The following ADCY2 variants were observed in gnomAD, a reference collection of about 807,000 sequenced individuals.
ADCY2 encodes the protein adenylate cyclase 2, also known as adenylate cyclase type 2.
In ADCY2, 31 loss-of-function variants were observed where a neutral mutation model predicts 125.2. The ratio of observed to expected loss-of-function variants is 0.25; its 90% CI spans 0.19 to 0.33. The LOEUF is 0.33. Among genes scored for constraint, ADCY2 ranks in the 10% least tolerant of loss-of-function variants. The pLI, the probability that ADCY2 is intolerant of heterozygous loss-of-function variation, is 1.00. For missense variants in ADCY2, 904 were observed against 1,418.2 expected (o/e 0.64, Z 5.82); for synonymous variants, 512 against 548.4 (o/e 0.93, Z 0.93).
rs1338378537 is a variant in ADCY2 at position 7,743,900 on chromosome 5, G to T, written c.1956+148G>T. 8.7e-6 allele frequency: 6 copies of T among 688,862 alleles called. No individual in the cohort carries two copies. In the South Asian group the frequency reaches 1.1e-4, roughly 13 times the overall value. The allele number at this position is 688,862 out of a possible 1,614,324, so 42.7% of individuals were successfully genotyped here. A position where few individuals can be genotyped will look rare whatever the true frequency, so the allele number is the denominator to read the frequency against. ...AGTTAAGGAAACACACACCCTTCAG[G>T]TCTATAACCAGGAATATAGACTGGG... On this transcript the variant is annotated intron_variant, in intron 15 of 24. Coordinates refer to ENST00000338316, the MANE Select transcript of ADCY2 (RefSeq NM_020546.3).
chr5:7,789,822 G>T lies in ADCY2; in HGVS notation c.2628+22G>T, dbSNP rs1241554251. 2.7e-6 allele frequency: 4 copies of T among 1,460,600 alleles called. No individual in the cohort carries two copies. In the African/African-American group the frequency reaches 4.3e-5, roughly 16 times the overall value. 90.5% of individuals were successfully genotyped at this position (1,460,600 alleles called of 1,614,324 possible). ...TGAGGTCAGACCAGGGGGGCTGGGGGCTGGGGGAGGGGGCTGGATGCCATG... is the reference window on the plus strand; with the variant it reads ...TGAGGTCAGACCAGGGGGGCTGGGGTCTGGGGGAGGGGGCTGGATGCCATG... On this transcript the variant is annotated intron_variant, in intron 20 of 24. Transcript: ENST00000338316.
intron 4 of ADCY2, among the ~76,000 whole-genome samples, chr5:7,684,335 C>G (rs953927362): frequency 6.6e-6 from 1 of 152,192 alleles, no homozygotes; most frequent in African/African-American, 2.4e-5. Flanking sequence ...GGGAGCACAG[C>G]TGCAGCTCTC....
chr5:7,769,809 C>T (rs144252892), intron 17 of ADCY2, among the ~76,000 whole-genome samples: 1,716 of 152,236 alleles, frequency 0.011, 15 homozygotes, highest in Non-Finnish European at 0.017. Flanking sequence ...AAATTACTCC[C>T]GATAATGGTG....
chr5:7,526,253 C>G (rs1465334721), intron 3 of ADCY2, among the ~76,000 whole-genome samples: 2 of 152,148 alleles, frequency 1.3e-5, no homozygotes. Context: ...CTTACGGGGC[C>G]TTGTCTGATG....
chr5:7,735,335 A>G (rs1022533951), intron 14 of ADCY2, among the ~76,000 whole-genome samples: 3 of 152,072 alleles, frequency 2.0e-5, no homozygotes, highest in Non-Finnish European at 4.4e-5. Context: ...TTCCTGCCCA[A>G]TTTCCCTGGT....
chr5:7,614,785 A>C (rs962545536), intron 3 of ADCY2, among the ~76,000 whole-genome samples: 2 of 152,214 alleles, frequency 1.3e-5, no homozygotes, highest in Non-Finnish European at 2.9e-5. Flanking sequence ...GTGCCAGGAC[A>C]CAGGTTTGCA....
intron 3 of ADCY2, among the ~76,000 whole-genome samples, chr5:7,609,444 T>C (rs1737496166): frequency 6.6e-6 from 1 of 152,252 alleles, no homozygotes; most frequent in Admixed American, 6.5e-5. Context: ...ATTTGTTGAA[T>C]GAAAGAATGT....
chr5:7,641,374 C>T (rs553271167), intron 4 of ADCY2, among the ~76,000 whole-genome samples: 2 of 152,204 alleles, frequency 1.3e-5, no homozygotes, highest in East Asian at 3.9e-4. Flanking sequence ...TTCCCAAGCA[C>T]CTCAAACTTA....
chr5:7,764,680 C>A (rs1743328043), intron 16 of ADCY2, among the ~76,000 whole-genome samples: 2 of 152,168 alleles, frequency 1.3e-5, no homozygotes, highest in Admixed American at 6.5e-5. Flanking sequence ...ACATCATTGT[C>A]CCAATTGTGA....
chr5:7,673,102 A>AT (rs994155713), intron 4 of ADCY2, among the ~76,000 whole-genome samples: 2 of 150,814 alleles, frequency 1.3e-5, no homozygotes, highest in Admixed American at 1.3e-4. Context: ...GCAAAACCGA[A>AT]TTTTATAAAC....
intron 2 of ADCY2, among the ~76,000 whole-genome samples, chr5:7,429,014 CAG>C (rs3033090): frequency 2.7e-4 from 40 of 149,748 alleles, no homozygotes; most frequent in Admixed American, 1.5e-3. Context: ...AAGAGTTGCA[CAG>C]AGAGAGAGAG....
At chr5:7,550,970 C>A (rs931058958) in intron 3 of ADCY2, among the ~76,000 whole-genome samples, 1 of 152,102 alleles carries the variant, frequency 6.6e-6, no homozygotes, top group South Asian at 2.1e-4. Flanking sequence ...ATTTAAGAAG[C>A]ATTTCTTGAC....
chr5:7,622,909 G>T (rs1462139557), intron 3 of ADCY2, among the ~76,000 whole-genome samples: 1 of 152,214 alleles, frequency 6.6e-6, no homozygotes, highest in Non-Finnish European at 1.5e-5. Context: ...CAGCGTGGGG[G>T]AAGAAAGGCC....
chr5:7,409,893 A>G (rs190533668), intron 1 of ADCY2, among the ~76,000 whole-genome samples: 56 of 152,312 alleles, frequency 3.7e-4, no homozygotes, highest in Admixed American at 6.5e-4. Flanking sequence ...ATAATTGCCT[A>G]TTTATTCCTT....
chr5:7,764,134 A>T (rs1743314400), intron 16 of ADCY2, among the ~76,000 whole-genome samples: 1 of 152,250 alleles, frequency 6.6e-6, no homozygotes, highest in African/African-American at 2.4e-5. Flanking sequence ...GTGCGATTTT[A>T]ACAGGATATC....
intron 2 of ADCY2, among the ~76,000 whole-genome samples, chr5:7,462,580 A>T (rs1741952974): frequency 6.6e-6 from 1 of 152,234 alleles, no homozygotes; most frequent in African/African-American, 2.4e-5. Context: ...TTTATTAGAG[A>T]AAACTTTTAA....
intron 3 of ADCY2, among the ~76,000 whole-genome samples, chr5:7,523,778 A>C (rs567239758): frequency 2.0e-5 from 3 of 152,342 alleles, no homozygotes; most frequent in South Asian, 2.1e-4. Flanking sequence ...GTATTGCTGC[A>C]GTGTAATTGT....
chr5:7,612,850 A>G (rs1737612197), intron 3 of ADCY2, among the ~76,000 whole-genome samples: 1 of 152,104 alleles, frequency 6.6e-6, no homozygotes, highest in Non-Finnish European at 1.5e-5. Flanking sequence ...CCCCGTCTCT[A>G]CTGAAAATAC....
chr5:7,772,871 T>G, intron 17 of ADCY2, 61 bp from the exon 18 acceptor site: 1 of 1,527,594 alleles, frequency 6.5e-7, no homozygotes, highest in Non-Finnish European at 9.0e-7. Context: ...CTGATTGTAA[T>G]TGTTTCAGCA....
Sources: gnomAD v4.1 joint callset for allele counts (sites outside exome capture counted in the v4.1 genomes callset) on GRCh38, gnomAD v4.1.1 for gene constraint, MANE v1.5 for transcripts, NCBI Gene and HGNC (gene_info 2026-07-23, HGNC 2026-07-21) for gene names.